The following LAMA3 variants were observed in gnomAD, a reference collection of about 807,000 sequenced individuals.
The protein encoded by LAMA3 is laminin subunit alpha 3.
In LAMA3, 281 loss-of-function variants were observed where a neutral mutation model predicts 402.0. The observed-to-expected ratio is 0.70, with a 90% CI of 0.63 to 0.77. The LOEUF (loss-of-function observed/expected upper bound fraction) is 0.77, where lower values mean the gene tolerates loss of function less well. Ranked by LOEUF, LAMA3 falls within the 30% of genes least tolerant of loss-of-function variation. LAMA3 has a pLI of 0.00. For missense variants in LAMA3, 3,840 were observed against 4,215.5 expected (o/e 0.91, Z 2.47); for synonymous variants, 1,431 against 1,558.4 (o/e 0.92, Z 1.93).
intron 2 of LAMA3, among the ~76,000 whole-genome samples, chr18:23,743,966 G>A (rs2061605783): frequency 6.6e-6 from 1 of 152,156 alleles, no homozygotes; most frequent in Non-Finnish European, 1.5e-5. Flanking sequence ...TGTGTGCTTT[G>A]AAGTATTTTC....
At chr18:23,803,140 T>G (rs1168927253) in intron 12 of LAMA3, among the ~76,000 whole-genome samples, 4 of 152,228 alleles carry the variant, frequency 2.6e-5, no homozygotes, top group Non-Finnish European at 5.9e-5. Context: ...ACAGAAGCAT[T>G]GCATGCAGAG....
chr18:23,911,684 A>T (rs573317135), intron 55 of LAMA3, among the ~76,000 whole-genome samples: 91 of 151,406 alleles, frequency 6.0e-4, no homozygotes, highest in Non-Finnish European at 1.1e-3. Flanking sequence ...AGGACTGAAC[A>T]CCTATAATAA....
chr18:23,846,023 C>A (rs1381355009), intron 30 of LAMA3, among the ~76,000 whole-genome samples: 1 of 152,110 alleles, frequency 6.6e-6, no homozygotes, highest in African/African-American at 2.4e-5. Flanking sequence ...ACATATAGTT[C>A]ATCTTTTAGG....
At chr18:23,827,729 A>G (rs1252502475) in intron 23 of LAMA3, among the ~76,000 whole-genome samples, 1 of 152,096 alleles carries the variant, frequency 6.6e-6, no homozygotes, top group Non-Finnish European at 1.5e-5. Flanking sequence ...CTTTTTGGTT[A>G]TCTGGACTTA....
At position 23,689,626 on chromosome 18, in the gene LAMA3, G is replaced by T. The variant is rs936566035; in HGVS notation, c.-58G>T. 1.6e-6 allele frequency: 2 copies of T among 1,233,998 alleles called. No individual in the cohort carries two copies. Among genetic ancestry groups the T allele is most frequent in the African/African-American group, 1.6e-5 (1 of 64,008 alleles). 76.4% of individuals were successfully genotyped at this position (1,233,998 alleles called of 1,614,324 possible). The stretch of plus-strand genomic sequence containing the variant: ...GGTCCGGGAGGCGCAGGCGGAGAGC[G>T]GCGGTGCCCCCGAGCCCCTCTGCGG... On this transcript the variant is annotated 5_prime_UTR_variant, in exon 1 of 75. Transcript: ENST00000313654.
chr18:23,948,574 CTTT>C (rs1197740181), intron 70 of LAMA3, among the ~76,000 whole-genome samples: 2 of 145,152 alleles, frequency 1.4e-5, no homozygotes, highest in Non-Finnish European at 1.5e-5. Context: ...CTCTTTCTTT[CTTT>C]TTTTTTTTTT....
intron 9 of LAMA3, among the ~76,000 whole-genome samples, chr18:23,774,097 C>T (rs894176620): frequency 6.6e-6 from 1 of 152,114 alleles, no homozygotes; most frequent in African/African-American, 2.4e-5. Flanking sequence ...GTGGTGCTCA[C>T]CCGTAATCCT....
At chr18:23,866,322 T>G (rs896626169) in intron 36 of LAMA3, among the ~76,000 whole-genome samples, 1 of 152,212 alleles carries the variant, frequency 6.6e-6, no homozygotes, top group African/African-American at 2.4e-5. Flanking sequence ...AATGATAGCT[T>G]TGGGAAAGGT....
chr18:23,878,008 G>A (rs2064778368), intron 39 of LAMA3, among the ~76,000 whole-genome samples: 1 of 152,196 alleles, frequency 6.6e-6, no homozygotes, highest in Non-Finnish European at 1.5e-5. Context: ...AGCTACTTGG[G>A]AGGCTGAGGC....
intron 5 of LAMA3, 116 bp downstream of exon 5, chr18:23,751,204 G>A: frequency 1.0e-6 from 1 of 988,438 alleles, no homozygotes. Flanking sequence ...TGTAGGTGTG[G>A]GAGTTGTTCT....
chr18:23,913,045 AC>A (rs1415036312), intron 56 of LAMA3, among the ~76,000 whole-genome samples, 164 bp downstream of exon 56: 3 of 152,108 alleles, frequency 2.0e-5, no homozygotes, highest in African/African-American at 7.2e-5. Flanking sequence ...CCACCTCCCC[AC>A]TGTGGCAGTG....
chr18:23,908,469 G>T (rs774675995), intron 54 of LAMA3, among the ~76,000 whole-genome samples: 3 of 147,788 alleles, frequency 2.0e-5, no homozygotes, highest in South Asian at 4.2e-4. Context: ...GGTGGAGGTT[G>T]CAGTGAGCTG....
chr18:23,837,063 A>T lies in LAMA3; in HGVS notation c.3067A>T (p.Lys1023Ter). The change falls in exon 25 of 75, where the codon AAG becomes TAG. Residue 1023 changes from lysine (K) to a stop codon, truncating the protein, a stop_gained. Transcript: ENST00000313654. LOFTEE classifies it high-confidence loss of function. The stretch of plus-strand genomic sequence containing the variant: ...ATTGGCAGATGCAGACATTCAGCTC[A>T]AGGGACACATGGCCCGATTCCTTCT... Reference protein sequence around the residue: ...ELLADADIQLKGHMARFLLHQ... With the variant: ...ELLADADIQL 6.2e-7 allele frequency: 1 copy of T among 1,613,300 alleles called. No individual in the cohort carries two copies. Among genetic ancestry groups the T allele is most frequent in the Non-Finnish European group, 8.5e-7 (1 of 1,179,254 alleles).
chr18:23,748,433 A>AG (rs2061690286), intron 3 of LAMA3, among the ~76,000 whole-genome samples: 1 of 151,638 alleles, frequency 6.6e-6, no homozygotes. Context: ...AAAAAAAAAA[A>AG]AAAGAAAAGA....
At chr18:23,748,521 G>A (rs376269118) in intron 3 of LAMA3, among the ~76,000 whole-genome samples, 35 of 151,970 alleles carry the variant, frequency 2.3e-4, no homozygotes, top group East Asian at 7.7e-4. Flanking sequence ...TTGACTGGGC[G>A]CGGTGGCTTA....
chr18:23,894,074 G>T (rs1352002765), intron 42 of LAMA3, among the ~76,000 whole-genome samples: 3 of 152,116 alleles, frequency 2.0e-5, no homozygotes, highest in Non-Finnish European at 2.9e-5. Flanking sequence ...CATGGGTGAG[G>T]GAGGGAAAAG....
chr18:23,807,427 T>TA (rs1235869666), intron 12 of LAMA3, among the ~76,000 whole-genome samples: 1 of 152,036 alleles, frequency 6.6e-6, no homozygotes, highest in Non-Finnish European at 1.5e-5. Flanking sequence ...CTTATCTAGT[T>TA]ACCTATGTAC....
intron 32 of LAMA3, 32 bp downstream of exon 32, chr18:23,847,700 T>C: frequency 6.2e-7 from 1 of 1,600,424 alleles, no homozygotes; most frequent in Non-Finnish European, 8.5e-7. Flanking sequence ...TCTGCTTCTG[T>C]CACAGGGAGG....
chr18:23,786,438 A>C (rs2062547015), intron 12 of LAMA3, among the ~76,000 whole-genome samples: 2 of 152,162 alleles, frequency 1.3e-5, no homozygotes, highest in East Asian at 3.8e-4. Flanking sequence ...CTCCACTTGT[A>C]GGGTAGTAGC....
Sources: allele counts gnomAD v4.1 joint callset (sites outside exome capture counted in the v4.1 genomes callset), GRCh38; gene constraint gnomAD v4.1.1; transcripts MANE v1.5; gene names NCBI Gene and HGNC (gene_info 2026-07-23, HGNC 2026-07-21).